DPYSL3: variants seen among roughly 807,000 people sequenced by gnomAD.
DPYSL3 encodes dihydropyrimidinase like 3.
DPYSL3 carries 16 observed loss-of-function variants against 66.1 expected under a neutral mutation model. The observed-to-expected ratio is 0.24, with a 90% CI of 0.16 to 0.37. The LOEUF is 0.37. DPYSL3 is among the 10% of genes least tolerant of loss of function. The pLI, the probability that DPYSL3 is intolerant of heterozygous loss-of-function variation, is 1.00. For missense variants in DPYSL3, 738 were observed against 916.2 expected (o/e 0.81, Z 2.51); for synonymous variants, 338 against 345.1 (o/e 0.98, Z 0.23).
chr5:147,453,434 C>A (rs956869038), intron 1 of DPYSL3: 6 of 1,370,470 alleles, frequency 4.4e-6, no homozygotes, highest in Non-Finnish European at 5.7e-6. Context: ...CCCGGGTCTC[C>A]GTCCCTCCCC....
At chr5:147,430,404 G>A (rs909401658) in intron 1 of DPYSL3, among the ~76,000 whole-genome samples, 1 of 151,878 alleles carries the variant, frequency 6.6e-6, no homozygotes, top group African/African-American at 2.4e-5. Context: ...CAGCTACTTG[G>A]GAGGTTGAGG....
At chr5:147,397,625 A>T (rs2304045) in intron 12 of DPYSL3, 41 bp downstream of exon 12, 7 of 1,586,872 alleles carry the variant, frequency 4.4e-6, no homozygotes, top group Non-Finnish European at 6.0e-6. Context: ...TGAGTGGAAC[A>T]CAAAGCTCCT....
At chr5:147,431,265 T>C (rs1201348270) in intron 1 of DPYSL3, among the ~76,000 whole-genome samples, 3 of 152,160 alleles carry the variant, frequency 2.0e-5, no homozygotes, top group Non-Finnish European at 4.4e-5. Context: ...GAAAAGGTAC[T>C]AAATATGCTC....
intron 7 of DPYSL3, 89 bp downstream of exon 7, chr5:147,408,638 CA>C (rs2152019734): frequency 7.1e-7 from 1 of 1,403,982 alleles, no homozygotes; most frequent in African/African-American, 1.4e-5. Context: ...AGAAATGTTC[CA>C]ATACTGCAAC....
chr5:147,426,529 C>G (rs1174011034), intron 1 of DPYSL3, among the ~76,000 whole-genome samples: 3 of 152,128 alleles, frequency 2.0e-5, no homozygotes, highest in Non-Finnish European at 4.4e-5. Flanking sequence ...GGCCAATGTT[C>G]TCCATGGCTA....
At chr5:147,474,341 T>C (rs1056075730) in intron 1 of DPYSL3, among the ~76,000 whole-genome samples, 3 of 152,052 alleles carry the variant, frequency 2.0e-5, no homozygotes, top group East Asian at 1.9e-4. Flanking sequence ...AAGAGGAAAA[T>C]GTCTTTTCAT....
intron 1 of DPYSL3, among the ~76,000 whole-genome samples, chr5:147,498,916 CTTAGT>C (rs1449575401): frequency 6.6e-6 from 1 of 151,992 alleles, no homozygotes; most frequent in Non-Finnish European, 1.5e-5. Flanking sequence ...GCAGAAGCTC[CTTAGT>C]TTAATTAGAT....
chr5:147,470,229 T>C (rs1358594796), intron 1 of DPYSL3, among the ~76,000 whole-genome samples: 1 of 152,206 alleles, frequency 6.6e-6, no homozygotes, highest in Non-Finnish European at 1.5e-5. Context: ...TTCCTTGGTG[T>C]TGACCTTCAG....
intron 1 of DPYSL3, among the ~76,000 whole-genome samples, chr5:147,444,504 ATATGACACTCT>A (rs1390421228): frequency 2.0e-5 from 3 of 152,214 alleles, no homozygotes; most frequent in Non-Finnish European, 4.4e-5. Flanking sequence ...ATTATATTAT[ATATGACACTCT>A]TATAACACAC....
intron 8 of DPYSL3, 111 bp downstream of exon 8, chr5:147,405,499 G>A: frequency 7.1e-7 from 1 of 1,413,572 alleles, no homozygotes; most frequent in Non-Finnish European, 9.4e-7. Context: ...GCTTCCTAGG[G>A]AGCAAGGCAA....
rs917642245 is a variant in DPYSL3, at chr5:147,471,237, T to C, written c.381+38241A>G. Among the ~76,000 whole-genome samples the C allele has an allele frequency of 7.2e-5, 11 of 152,110 alleles. 1 individual carries two copies. The highest frequency in any genetic ancestry group is 2.4e-4 in the African/African-American group (10 of 41,426). ...GCATATTAACAGGATATCATCTAGA[T>C]TGACCACTGTATTAGTAAAAACAGC... On this transcript the variant is annotated intron_variant, in intron 1 of 13. Coordinates refer to ENST00000343218, the MANE Select transcript of DPYSL3 (RefSeq NM_001197294.2).
At chr5:147,415,624 A>T (rs943730139) in intron 4 of DPYSL3, 85 bp downstream of exon 4, 62 of 1,515,682 alleles carry the variant, frequency 4.1e-5, no homozygotes, top group Non-Finnish European at 5.2e-5. Flanking sequence ...CAAGTAAAAG[A>T]CAGTGACTGA....
intron 7 of DPYSL3, 41 bp from the exon 8 acceptor site, chr5:147,405,771 C>T (rs1758311485): frequency 6.3e-7 from 1 of 1,584,386 alleles, no homozygotes; most frequent in Non-Finnish European, 8.6e-7. Flanking sequence ...AAACATGAAC[C>T]TCTCAAACTG....
intron 1 of DPYSL3, among the ~76,000 whole-genome samples, chr5:147,450,069 A>T (rs992400434): frequency 7.9e-5 from 12 of 152,172 alleles, no homozygotes; most frequent in African/African-American, 2.7e-4. Context: ...GGAGACACCA[A>T]AAAGAGTGTG....
At chr5:147,459,865 C>T (rs940679370) in intron 1 of DPYSL3, among the ~76,000 whole-genome samples, 26 of 152,180 alleles carry the variant, frequency 1.7e-4, no homozygotes, top group Non-Finnish European at 3.5e-4. Flanking sequence ...AATGCCAGCA[C>T]TTTGGGAGGC....
intron 2 of DPYSL3, among the ~76,000 whole-genome samples, chr5:147,424,526 C>A (rs1315459802): frequency 6.6e-6 from 1 of 152,202 alleles, no homozygotes; most frequent in Non-Finnish European, 1.5e-5. Flanking sequence ...ACTCTCTCTA[C>A]CCCAAAGCAT....
At position 147,415,577 on chromosome 5, in the gene DPYSL3, C is replaced by A. The variant is rs1751947468; in HGVS notation, c.820+132G>T. The A allele has an allele frequency of 6.7e-6, 7 of 1,051,236 alleles. No homozygotes were observed. The South Asian group carries it at 1.1e-4, about 16-fold the overall frequency. The allele number at this position is 1,051,236 out of a possible 1,614,324, so 65.1% of individuals were successfully genotyped here. ...TAAAGTGCCTGGAACATTGTGTTAT[C>A]CCTACATCCAGTGCTCACACTCAAG... On this transcript the variant is annotated intron_variant, in intron 4 of 13. Transcript: ENST00000343218.
intron 9 of DPYSL3, 22 bp from the exon 10 acceptor site, chr5:147,400,855 A>C: frequency 6.2e-7 from 1 of 1,611,342 alleles, no homozygotes; most frequent in Non-Finnish European, 8.5e-7. Context: ...GAAAAGCTCC[A>C]CATGAACAGG....
intron 1 of DPYSL3, among the ~76,000 whole-genome samples, chr5:147,478,750 C>G (rs2126432545): frequency 6.6e-6 from 1 of 152,226 alleles, no homozygotes; most frequent in Non-Finnish European, 1.5e-5. Context: ...TGTGGGGAAC[C>G]TTTCTTATCC....
Sources: allele counts gnomAD v4.1 joint callset (sites outside exome capture counted in the v4.1 genomes callset), GRCh38; gene constraint gnomAD v4.1.1; transcripts MANE v1.5; gene names NCBI Gene and HGNC (gene_info 2026-07-23, HGNC 2026-07-21).